The following AP2S1 variants were observed in gnomAD, a reference collection of about 807,000 sequenced individuals.
AP2S1 encodes the protein adaptor related protein complex 2 subunit sigma 1, also known as AP-2 complex subunit sigma.
AP2S1 carries 6 observed loss-of-function variants against 21.0 expected under a neutral mutation model. The observed-to-expected ratio is 0.29, with a 90% confidence interval of 0.16 to 0.56. The LOEUF (loss-of-function observed/expected upper bound fraction) is 0.56, where lower values mean the gene tolerates loss of function less well. Ranked by LOEUF, AP2S1 falls within the 20% of genes least tolerant of loss-of-function variation. The pLI is 0.92. For missense variants in AP2S1, 60 were observed against 186.2 expected, an observed-to-expected ratio of 0.32 and a Z score of 3.95; for synonymous variants, 63 against 74.6, an observed-to-expected ratio of 0.84 and a Z score of 0.80.
rs2055488612 is a variant in AP2S1, at chr19:46,839,941, G to T, written c.154-363C>A. Among the ~76,000 whole-genome samples, 2 of 152,182 alleles carry T rather than the reference G, an allele frequency of 1.3e-5. 1 individual carries two copies. Among genetic ancestry groups the T allele is most frequent in the South Asian group, 4.1e-4 (2 of 4,830 alleles). On this transcript the variant is annotated intron_variant, in intron 2 of 4. Coordinates refer to ENST00000263270, the MANE Select transcript of AP2S1 (RefSeq NM_004069.6). ...AAAGCCCGGGGCTGGGCGGGAGCCTGACGTGTTCAATAGTGTCCATGCAAC... is the reference window on the plus strand; with the variant it reads ...AAAGCCCGGGGCTGGGCGGGAGCCTTACGTGTTCAATAGTGTCCATGCAAC...
At chr19:46,840,280 T>C (rs1254574251) in intron 2 of AP2S1, among the ~76,000 whole-genome samples, 4 of 149,020 alleles carry the variant, frequency 2.7e-5, no homozygotes, top group African/African-American at 2.5e-5. Context: ...CAGATATATA[T>C]GCATACTGGG....
chr19:46,842,060 A>G (rs2122771273), intron 2 of AP2S1, among the ~76,000 whole-genome samples: 1 of 152,246 alleles, frequency 6.6e-6, no homozygotes, highest in East Asian at 1.9e-4. Flanking sequence ...AGGTCCCTGT[A>G]GTCCCAGCTA....
intron 3 of AP2S1, 83 bp downstream of exon 3, chr19:46,839,382 G>T: frequency 2.7e-6 from 4 of 1,497,080 alleles, no homozygotes; most frequent in East Asian, 4.6e-5. Context: ...GCTCAGGAGG[G>T]ACCAGGGAGG....
intron 2 of AP2S1, among the ~76,000 whole-genome samples, chr19:46,840,499 G>A: frequency 6.6e-6 from 1 of 151,890 alleles, no homozygotes; most frequent in Non-Finnish European, 1.5e-5. Flanking sequence ...ACTTAGCTGG[G>A]TATGGTGGCG....
chr19:46,838,832 G>A lies in AP2S1; in HGVS notation c.268-33C>T, dbSNP rs1236814483. ...AGGAAGGCAGAGATGGTAAGAGATG[G>A]GCAGGGAGAGAGCCACACACGCACA... On this transcript the variant is annotated intron_variant, in intron 3 of 4. Coordinates refer to ENST00000263270, the MANE Select transcript of AP2S1 (RefSeq NM_004069.6). This position sits in a 1 kb window ranked among gnomAD's most constrained non-coding sequence, Gnocchi z 4.1. 1 of 1,599,794 alleles carries A rather than the reference G, an allele frequency of 6.3e-7. No individual in the cohort carries two copies. The highest frequency in any genetic ancestry group is 1.1e-5 in the South Asian group (1 of 90,400).
intron 3 of AP2S1, 26 bp downstream of exon 3, chr19:46,839,439 C>CCCAAAAA: frequency 1.9e-6 from 3 of 1,569,668 alleles, no homozygotes. Context: ...CCCGCCTCCC[C>CCCAAAAA]ACCTTACATC....
chr19:46,839,424 G>GCGCC, intron 3 of AP2S1, 41 bp downstream of exon 3: 4 of 1,504,482 alleles, frequency 2.7e-6, no homozygotes, highest in Non-Finnish European at 3.7e-6. Flanking sequence ...CTCCAGGGCT[G>GCGCC]CCCACCCGCC....
rs1445402974 is a variant in AP2S1, at chr19:46,850,463, C to T, written c.3+301G>A. 26 of 724,602 alleles carry T rather than the reference C, an allele frequency of 3.6e-5. No individual in the cohort carries two copies. In the South Asian group the frequency reaches 7.9e-4, roughly 22 times the overall value. The allele number at this position is 724,602 out of a possible 1,614,324, so 44.9% of individuals were successfully genotyped here. On this transcript the variant is annotated intron_variant, in intron 1 of 4. Transcript: ENST00000263270. ...TCTCGCTACCCACAAGACTGTGTCTCACGAGTTTCCTCTCGTTTCAAAGCT... is the reference window on the plus strand; with the variant it reads ...TCTCGCTACCCACAAGACTGTGTCTTACGAGTTTCCTCTCGTTTCAAAGCT...
chr19:46,839,438 C>CCCCCCAAA, intron 3 of AP2S1, 27 bp downstream of exon 3: 7 of 1,577,408 alleles, frequency 4.4e-6, no homozygotes, highest in Non-Finnish European at 5.2e-6. Context: ...ACCCGCCTCC[C>CCCCCCAAA]CACCTTACAT....
chr19:46,842,629 A>G (rs1049293303), intron 2 of AP2S1, among the ~76,000 whole-genome samples: 2 of 150,798 alleles, frequency 1.3e-5, no homozygotes, highest in African/African-American at 4.9e-5. Context: ...GGCCTCACTG[A>G]CCCCTCCCGC....
At chr19:46,843,235 C>T (rs1049738630) in intron 2 of AP2S1, among the ~76,000 whole-genome samples, 1 of 152,162 alleles carries the variant, frequency 6.6e-6, no homozygotes, top group African/African-American at 2.4e-5. Context: ...CTGGCCACAC[C>T]GACGGCTTCC....
intron 1 of AP2S1, chr19:46,850,390 C>A: frequency 8.1e-7 from 1 of 1,231,050 alleles, no homozygotes; most frequent in Non-Finnish European, 1.0e-6. Flanking sequence ...CGCCACACTT[C>A]CAGAGCGCCT....
intron 1 of AP2S1, among the ~76,000 whole-genome samples, chr19:46,849,862 A>G (rs2055707219): frequency 1.3e-5 from 2 of 151,820 alleles, no homozygotes; most frequent in South Asian, 4.2e-4. Context: ...TTTGCCTCCA[A>G]GGACCCTGTT....
intron 2 of AP2S1, 103 bp from the exon 3 acceptor site, chr19:46,839,681 A>G: frequency 6.4e-7 from 1 of 1,551,458 alleles, no homozygotes; most frequent in South Asian, 1.2e-5. Context: ...CGTGGTCCCG[A>G]GGCCCAGCTC....
intron 2 of AP2S1, 92 bp downstream of exon 2, chr19:46,845,901 C>A: frequency 6.4e-7 from 1 of 1,550,864 alleles, no homozygotes; most frequent in Non-Finnish European, 8.8e-7. Context: ...ATAGAGGGTC[C>A]AAGGGGTTCT....
At chr19:46,850,446 C>T (rs1037942656) in intron 1 of AP2S1, 4 of 766,504 alleles carry the variant, frequency 5.2e-6, no homozygotes, top group East Asian at 6.8e-5. Context: ...CTTCTCGCTA[C>T]CCACAAGACT....
intron 2 of AP2S1, among the ~76,000 whole-genome samples, chr19:46,842,084 G>A (rs1183303169): frequency 1.3e-5 from 2 of 152,274 alleles, no homozygotes; most frequent in East Asian, 3.9e-4. Flanking sequence ...AGGAGTCTGA[G>A]GTGGGAGGAT....
chr19:46,839,444 TA>T lies in AP2S1; in HGVS notation c.267+20del. The T allele has an allele frequency of 1.1e-6, 1 of 939,586 alleles. No individual in the cohort carries two copies. Among genetic ancestry groups the T allele is most frequent in the Non-Finnish European group, 1.7e-6 (1 of 603,218 alleles). The allele number at this position is 939,586 out of a possible 1,614,324, so 58.2% of individuals were successfully genotyped here. A position where few individuals can be genotyped will look rare whatever the true frequency, so the allele number is the denominator to read the frequency against. On this transcript the variant is annotated intron_variant, in intron 3 of 4. Transcript: ENST00000263270. ...GGGCTGCCCACCCGCCTCCCCACCTTACATCCCTCTCCCGCCGTACCTCCAC... is the reference window on the plus strand; with the variant it reads ...GGGCTGCCCACCCGCCTCCCCACCTTCATCCCTCTCCCGCCGTACCTCCAC...
At chr19:46,844,072 G>A (rs559624609) in intron 2 of AP2S1, among the ~76,000 whole-genome samples, 17 of 152,058 alleles carry the variant, frequency 1.1e-4, no homozygotes, top group African/African-American at 3.4e-4. Context: ...GACCAGGCCC[G>A]GCTAATTTTT....
Sources: gnomAD v4.1 joint callset for allele counts (sites outside exome capture counted in the v4.1 genomes callset) on GRCh38, gnomAD v4.1.1 for gene constraint, Gnocchi (gnomAD v3.1) non-coding constraint, MANE v1.5 for transcripts, NCBI Gene and HGNC (gene_info 2026-07-23, HGNC 2026-07-21) for gene names.